The following EXOC6B variants were observed in gnomAD, a reference collection of about 807,000 sequenced individuals.
EXOC6B encodes SEC15 homolog B.
EXOC6B carries 54 observed loss-of-function variants against 113.5 expected under a neutral mutation model. The observed-to-expected ratio is 0.48, with a 90% confidence interval of 0.38 to 0.60. The LOEUF (loss-of-function observed/expected upper bound fraction) is 0.60. Among genes scored for constraint, EXOC6B ranks in the 20% least tolerant of loss-of-function variants. The probability of loss-of-function intolerance (pLI) is 0.00; values close to 1 mark genes in which losing one functional copy is unlikely to be tolerated. For synonymous variants in EXOC6B, 357 were observed against 339.0 expected (o/e 1.05, Z -0.58); for missense variants, 797 against 977.5 (o/e 0.82, Z 2.46).
intron 17 of EXOC6B, among the ~76,000 whole-genome samples, chr2:72,468,509 T>C (rs867876057): frequency 1.3e-5 from 2 of 152,174 alleles, no homozygotes; most frequent in Non-Finnish European, 2.9e-5. Context: ...GGTCTGTATG[T>C]TTTTACGCCA....
intron 19 of EXOC6B, among the ~76,000 whole-genome samples, chr2:72,359,912 C>T (rs767925369): frequency 6.6e-6 from 1 of 152,060 alleles, no homozygotes; most frequent in Non-Finnish European, 1.5e-5. Flanking sequence ...GCTCCTCCCC[C>T]ACTTCTCTTG....
At chr2:72,302,727 G>A (rs1241246687) in intron 20 of EXOC6B, among the ~76,000 whole-genome samples, 2 of 151,984 alleles carry the variant, frequency 1.3e-5, no homozygotes, top group African/African-American at 4.8e-5. Flanking sequence ...GTCACTGTGT[G>A]TGAGATGGGT....
chr2:72,791,040 C>A (rs1465340332), intron 1 of EXOC6B, among the ~76,000 whole-genome samples: 1 of 152,006 alleles, frequency 6.6e-6, no homozygotes, highest in Non-Finnish European at 1.5e-5. Context: ...CATTACAGAG[C>A]AAGTATAGTT....
intron 18 of EXOC6B, among the ~76,000 whole-genome samples, chr2:72,386,522 C>T (rs995486881): frequency 2.0e-5 from 3 of 152,226 alleles, no homozygotes; most frequent in African/African-American, 7.2e-5. Flanking sequence ...ACCAAGGCCT[C>T]ACTACCCTGT....
intron 1 of EXOC6B, among the ~76,000 whole-genome samples, chr2:72,805,861 A>G (rs933517680): frequency 3.3e-5 from 5 of 152,110 alleles, no homozygotes; most frequent in Non-Finnish European, 7.4e-5. Context: ...TCAATTCCAC[A>G]TATAAGTGAG....
intron 6 of EXOC6B, among the ~76,000 whole-genome samples, chr2:72,579,407 G>C (rs541027606): frequency 6.6e-5 from 10 of 152,232 alleles, no homozygotes; most frequent in African/African-American, 2.4e-4. Context: ...AGTCCAGAAA[G>C]TGGCATACAC....
intron 18 of EXOC6B, among the ~76,000 whole-genome samples, chr2:72,405,125 A>C (rs546547143): frequency 4.6e-5 from 7 of 152,330 alleles, no homozygotes; most frequent in African/African-American, 1.7e-4. Flanking sequence ...AGATGAAATG[A>C]ATGAAATGAA....
rs115045714 is a variant in EXOC6B, at chr2:72,496,226, T to A, written c.1443+228A>T. On this transcript the variant is annotated intron_variant, in intron 14 of 21. Coordinates refer to ENST00000272427, the MANE Select transcript of EXOC6B (RefSeq NM_015189.3). ...TCAGAGGTAATAGGATCCAAAGCCA[T>A]CTGCTGATTCCCAAATCAGGAAATT... 9.9e-3 allele frequency among the ~76,000 whole-genome samples: 1,500 copies of A among 152,234 alleles called. 39 individuals carry two copies. The highest frequency in any genetic ancestry group is 0.035 in the African/African-American group (1,435 of 41,534).
At chr2:72,308,901 G>A (rs1477260831) in intron 20 of EXOC6B, among the ~76,000 whole-genome samples, 8 of 152,026 alleles carry the variant, frequency 5.3e-5, no homozygotes, top group Non-Finnish European at 1.2e-4. Flanking sequence ...TAATTTAAAT[G>A]AAGATGATGA....
intron 20 of EXOC6B, among the ~76,000 whole-genome samples, chr2:72,250,281 T>C (rs959428500): frequency 1.3e-5 from 2 of 152,172 alleles, no homozygotes; most frequent in African/African-American, 4.8e-5. Context: ...TCAGACCAAA[T>C]TAATCAGTAC....
intron 6 of EXOC6B, among the ~76,000 whole-genome samples, chr2:72,604,505 A>G (rs1347198492): frequency 6.6e-6 from 1 of 152,228 alleles, no homozygotes; most frequent in Non-Finnish European, 1.5e-5. Flanking sequence ...ACTCTACAAC[A>G]TAGATACTTT....
At chr2:72,646,952 G>A (rs891693440) in intron 6 of EXOC6B, among the ~76,000 whole-genome samples, 4 of 152,150 alleles carry the variant, frequency 2.6e-5, no homozygotes, top group Non-Finnish European at 5.9e-5. Flanking sequence ...TCTGGCCAGG[G>A]CATTCAGGCA....
intron 18 of EXOC6B, among the ~76,000 whole-genome samples, chr2:72,421,516 C>T (rs1694863292): frequency 6.6e-6 from 1 of 152,196 alleles, no homozygotes; most frequent in Admixed American, 6.5e-5. Context: ...GTACTAATGA[C>T]TAATTGACAT....
rs114446501 is a variant in EXOC6B, at chr2:72,305,073, G to A, written c.2196+29874C>T. 2.1e-3 allele frequency among the ~76,000 whole-genome samples: 324 copies of A among 152,236 alleles called. 4 individuals are homozygous for A. Among genetic ancestry groups the A allele is most frequent in the African/African-American group, 7.1e-3 (294 of 41,540 alleles). On this transcript the variant is annotated intron_variant, in intron 20 of 21. Coordinates refer to ENST00000272427, the MANE Select transcript of EXOC6B (RefSeq NM_015189.3). The stretch of plus-strand genomic sequence containing the variant: ...CACATTTATTAAATATTCACCATAT[G>A]ACAGGTAGTATGCTAAGCACTTTCC...
chr2:72,807,008 C>T (rs1262772079), intron 1 of EXOC6B, among the ~76,000 whole-genome samples: 1 of 152,170 alleles, frequency 6.6e-6, no homozygotes, highest in African/African-American at 2.4e-5. Context: ...TTTTAATGCA[C>T]AGAAACTCTT....
chr2:72,744,897 G>A (rs2104828778), intron 1 of EXOC6B, among the ~76,000 whole-genome samples: 1 of 152,122 alleles, frequency 6.6e-6, no homozygotes, highest in Middle Eastern at 3.4e-3. Context: ...ACCTAAGAAA[G>A]GAAATGTGGA....
intron 6 of EXOC6B, among the ~76,000 whole-genome samples, chr2:72,592,097 G>A (rs1353120544): frequency 2.6e-5 from 4 of 152,004 alleles, no homozygotes; most frequent in Admixed American, 2.6e-4. Context: ...TTCTGGCAAT[G>A]GTGAACTAGA....
At chr2:72,327,102 T>C (rs2104850566) in intron 20 of EXOC6B, among the ~76,000 whole-genome samples, 1 of 152,200 alleles carries the variant, frequency 6.6e-6, no homozygotes, top group Non-Finnish European at 1.5e-5. Context: ...ATATCTGCCA[T>C]TTATGATAGT....
At chr2:72,552,329 T>C (rs1373423736) in intron 8 of EXOC6B, among the ~76,000 whole-genome samples, 1 of 152,150 alleles carries the variant, frequency 6.6e-6, no homozygotes, top group Non-Finnish European at 1.5e-5. Flanking sequence ...AAACATACGA[T>C]TGAAGAGAGT....
Sources: allele counts gnomAD v4.1 joint callset (sites outside exome capture counted in the v4.1 genomes callset), GRCh38; gene constraint gnomAD v4.1.1; transcripts MANE v1.5; gene names NCBI Gene and HGNC (gene_info 2026-07-23, HGNC 2026-07-21).